The following CCDC63 variants were observed in gnomAD, a reference collection of about 807,000 sequenced individuals.
The protein encoded by CCDC63 is coiled-coil domain-containing protein 63.
A neutral mutation model predicts 63.6 loss-of-function variants in CCDC63; 54 were observed. That is an observed-to-expected ratio of 0.85 (90% CI 0.68 to 1.07). The LOEUF (loss-of-function observed/expected upper bound fraction) is 1.07. CCDC63 is among the 50% of genes least tolerant of loss of function. The pLI is 0.00. For missense variants in CCDC63, 637 were observed against 689.6 expected (o/e 0.92, Z 0.86); for synonymous variants, 253 against 266.1 (o/e 0.95, Z 0.48).
chr12:110,866,938 G>C (rs1284464289), intron 4 of CCDC63, among the ~76,000 whole-genome samples: 8 of 142,756 alleles, frequency 5.6e-5, no homozygotes, highest in African/African-American at 2.1e-4. Context: ...GCGGCTGGCC[G>C]GGCGGGGGGC....
At chr12:110,864,886 G>A (rs1192922392) in intron 4 of CCDC63, among the ~76,000 whole-genome samples, 2 of 152,124 alleles carry the variant, frequency 1.3e-5, no homozygotes, top group African/African-American at 4.8e-5. Flanking sequence ...GGTTGGTTTA[G>A]CAGCTCAATT....
intron 1 of CCDC63, among the ~76,000 whole-genome samples, chr12:110,849,040 C>T (rs1277650935): frequency 1.3e-5 from 2 of 152,180 alleles, no homozygotes; most frequent in Non-Finnish European, 2.9e-5. Flanking sequence ...TGTCTTATAC[C>T]ACTTCCCTGC....
intron 7 of CCDC63, among the ~76,000 whole-genome samples, chr12:110,881,988 T>TC (rs2071215055): frequency 6.6e-6 from 1 of 152,094 alleles, no homozygotes; most frequent in African/African-American, 2.4e-5. Flanking sequence ...TTGTCAGGGG[T>TC]CCCCAGGTTC....
At chr12:110,876,896 T>A (rs75287934) in intron 5 of CCDC63, among the ~76,000 whole-genome samples, 41 of 121,534 alleles carry the variant, frequency 3.4e-4, no homozygotes, top group Admixed American at 2.5e-3. Flanking sequence ...AAAAAAAAAA[T>A]AGCTGAGTGT....
intron 10 of CCDC63, among the ~76,000 whole-genome samples, chr12:110,901,597 CCCAGCCTCTGATAACCATCCTT>C (rs2071488783): frequency 6.6e-6 from 1 of 151,992 alleles, no homozygotes; most frequent in Non-Finnish European, 1.5e-5. Flanking sequence ...CACTGACCTT[CCCAGCCTCTGATAACCATCCTT>C]CCAGTCTCTA....
intron 8 of CCDC63, among the ~76,000 whole-genome samples, chr12:110,885,841 T>C (rs1404703526): frequency 1.1e-4 from 16 of 152,208 alleles, no homozygotes; most frequent in Non-Finnish European, 1.9e-4. Context: ...AGCTAGAATA[T>C]AGGTGAAAAC....
At chr12:110,860,720 G>A (rs1356137696) in intron 4 of CCDC63, among the ~76,000 whole-genome samples, 1 of 152,026 alleles carries the variant, frequency 6.6e-6, no homozygotes, top group African/African-American at 2.4e-5. Context: ...CTCCCGTGTA[G>A]CTGGGATTAC....
At chr12:110,886,170 T>C (rs2136709053) in intron 8 of CCDC63, among the ~76,000 whole-genome samples, 1 of 152,228 alleles carries the variant, frequency 6.6e-6, no homozygotes, top group Middle Eastern at 3.4e-3. Context: ...GTGGATCACC[T>C]GAGCTCAGGA....
At chr12:110,901,472 G>T (rs768543275) in intron 10 of CCDC63, among the ~76,000 whole-genome samples, 3 of 151,392 alleles carry the variant, frequency 2.0e-5, no homozygotes, top group Non-Finnish European at 4.4e-5. Context: ...AAGTCATCCC[G>T]CTGCCTTGGC....
At chr12:110,870,912 C>T (rs561643563) in intron 4 of CCDC63, among the ~76,000 whole-genome samples, 122 of 152,314 alleles carry the variant, frequency 8.0e-4, no homozygotes, top group African/African-American at 2.9e-3. Flanking sequence ...CCCTGCTTCC[C>T]TTTCTTGGGC....
At chr12:110,848,260 T>G (rs1019117530) in intron 1 of CCDC63, among the ~76,000 whole-genome samples, 3 of 152,146 alleles carry the variant, frequency 2.0e-5, no homozygotes, top group Non-Finnish European at 4.4e-5. Flanking sequence ...GGAACAGAAC[T>G]GGAGGTAGGT....
At chr12:110,868,369 G>A (rs2071006296) in intron 4 of CCDC63, among the ~76,000 whole-genome samples, 1 of 147,544 alleles carries the variant, frequency 6.8e-6, no homozygotes, top group Non-Finnish European at 1.5e-5. Flanking sequence ...ACTTTGGGAG[G>A]CCAAGGCAGG....
intron 1 of CCDC63, among the ~76,000 whole-genome samples, chr12:110,851,191 A>C (rs960389526): frequency 3.3e-5 from 5 of 152,118 alleles, no homozygotes; most frequent in Non-Finnish European, 5.9e-5. Flanking sequence ...GCTTTAATGG[A>C]ATATACTGAT....
rs182663892 is a variant in CCDC63, at chr12:110,864,745, C to T, written c.369+5970C>T. Among the ~76,000 whole-genome samples the T allele has an allele frequency of 4.0e-3, 605 of 152,114 alleles. 2 individuals carry two copies. Among genetic ancestry groups the T allele is most frequent in the African/African-American group, 0.013 (547 of 41,502 alleles). On this transcript the variant is annotated intron_variant, in intron 4 of 11. Transcript: ENST00000308208. ...AAGAGAAAATAAAATGTTTTCCACT[C>T]GGCTTAGACCAGTGATGCTCTATCC...
At chr12:110,855,080 C>G (rs953890191) in intron 3 of CCDC63, among the ~76,000 whole-genome samples, 2 of 152,174 alleles carry the variant, frequency 1.3e-5, no homozygotes. Context: ...CGTGAGCCAC[C>G]ATGCCCGGCC....
intron 9 of CCDC63, among the ~76,000 whole-genome samples, chr12:110,896,514 A>G (rs6489821): frequency 0.36 from 54,373 of 151,902 alleles, 10,077 homozygotes; most frequent in African/African-American, 0.43. Context: ...CGACCCCTTG[A>G]GATCATTATC....
intron 10 of CCDC63, among the ~76,000 whole-genome samples, chr12:110,902,432 C>T (rs576412900): frequency 1.4e-3 from 214 of 152,296 alleles, no homozygotes; most frequent in Middle Eastern, 0.014. Context: ...GCATCTTGTT[C>T]CTACCTTGGG....
intron 4 of CCDC63, among the ~76,000 whole-genome samples, chr12:110,862,589 G>A (rs2136659807): frequency 6.6e-6 from 1 of 152,274 alleles, no homozygotes; most frequent in Middle Eastern, 3.4e-3. Flanking sequence ...AGAGCCACCA[G>A]GAAATGCTGA....
intron 8 of CCDC63, among the ~76,000 whole-genome samples, chr12:110,890,613 A>T (rs928591281): frequency 2.8e-5 from 4 of 144,382 alleles, no homozygotes; most frequent in Non-Finnish European, 6.1e-5. Flanking sequence ...GTGTGGTTAC[A>T]CGTTTGCACA....
Sources: gnomAD v4.1 joint callset for allele counts (sites outside exome capture counted in the v4.1 genomes callset) on GRCh38, gnomAD v4.1.1 for gene constraint, MANE v1.5 for transcripts, NCBI Gene and HGNC (gene_info 2026-07-23, HGNC 2026-07-21) for gene names.